The following CLEC16A variants were observed in gnomAD, a reference collection of about 807,000 sequenced individuals.
CLEC16A encodes C-type lectin domain containing 16A.
CLEC16A carries 51 observed loss-of-function variants against 109.5 expected under a neutral mutation model. The observed-to-expected ratio is 0.47, with a 90% CI of 0.37 to 0.59. CLEC16A has a LOEUF of 0.59. Among genes scored for constraint, CLEC16A ranks in the 20% least tolerant of loss-of-function variants. The probability of loss-of-function intolerance (pLI) is 0.00; values close to 1 mark genes in which losing one functional copy is unlikely to be tolerated. For synonymous variants in CLEC16A, 673 were observed against 564.2 expected, an observed-to-expected ratio of 1.19 and a Z score of -2.73; for missense variants, 1,339 against 1,394.0, an observed-to-expected ratio of 0.96 and a Z score of 0.63.
chr16:10,971,979 C>G (rs2042812368), intron 5 of CLEC16A, among the ~76,000 whole-genome samples: 1 of 152,218 alleles, frequency 6.6e-6, no homozygotes, highest in African/African-American at 2.4e-5. Flanking sequence ...GGGGGCTTCT[C>G]AGGGACTCAC....
intron 22 of CLEC16A, among the ~76,000 whole-genome samples, chr16:11,153,830 G>T (rs1272883698): frequency 1.3e-5 from 2 of 152,074 alleles, no homozygotes; most frequent in Non-Finnish European, 2.9e-5. Flanking sequence ...AATAGCTAGG[G>T]TGATTTTTAA....
chr16:11,140,591 C>T (rs745637439), intron 22 of CLEC16A, among the ~76,000 whole-genome samples: 12 of 152,128 alleles, frequency 7.9e-5, no homozygotes, highest in Non-Finnish European at 1.6e-4. Context: ...AGAATCTGGC[C>T]TGTCCTCCTG....
chr16:11,120,094 C>T (rs6498163), intron 19 of CLEC16A, among the ~76,000 whole-genome samples: 106,203 of 151,554 alleles, frequency 0.7, 38,572 homozygotes, highest in African/African-American at 0.89. Context: ...CTCAGCCTCC[C>T]AAGTAGCTGG....
intron 13 of CLEC16A, among the ~76,000 whole-genome samples, chr16:11,025,292 T>G (rs770061264): frequency 7.9e-5 from 12 of 152,218 alleles, no homozygotes; most frequent in Non-Finnish European, 1.5e-4. Flanking sequence ...AATCTTGGTT[T>G]TGCTATTTAT....
intron 13 of CLEC16A, among the ~76,000 whole-genome samples, chr16:11,036,883 C>T (rs2047055817): frequency 6.6e-6 from 1 of 152,164 alleles, no homozygotes; most frequent in African/African-American, 2.4e-5. Context: ...GATAAGGAAA[C>T]ACATGAAGTC....
intron 19 of CLEC16A, among the ~76,000 whole-genome samples, chr16:11,063,926 GAGGA>G (rs2152911492): frequency 6.6e-6 from 1 of 151,336 alleles, no homozygotes; most frequent in Admixed American, 6.6e-5. Flanking sequence ...GGAAGAGAGA[GAGGA>G]AGGGAGGGAG....
chr16:10,945,437 A>G (rs1187485169), intron 1 of CLEC16A, among the ~76,000 whole-genome samples: 1 of 152,188 alleles, frequency 6.6e-6, no homozygotes, highest in African/African-American at 2.4e-5. Flanking sequence ...GGATGATGAA[A>G]AATAGAGACC....
At chr16:11,112,496 A>C (rs1008414821) in intron 19 of CLEC16A, among the ~76,000 whole-genome samples, 1 of 38,804 alleles carries the variant, frequency 2.6e-5, no homozygotes, top group Non-Finnish European at 4.9e-5. Context: ...CTATCTCTAC[A>C]AAAAAAAAAA....
chr16:10,993,245 G>T (rs575643357), intron 10 of CLEC16A, among the ~76,000 whole-genome samples: 4 of 152,254 alleles, frequency 2.6e-5, no homozygotes, highest in African/African-American at 9.6e-5. Context: ...CGGGCGTGAT[G>T]ATGCGTACCT....
chr16:10,961,968 C>CTTTTTTTTTTTTTTTTTTT lies in CLEC16A; in HGVS notation c.210-473_210-472insTTTTTTTTTTTTTTTTTTT, dbSNP rs5815604. Among the ~76,000 whole-genome samples, 2 of 135,344 alleles carry CTTTTTTTTTTTTTTTTTTT rather than the reference C, an allele frequency of 1.5e-5. No homozygotes were observed. Among genetic ancestry groups the CTTTTTTTTTTTTTTTTTTT allele is most frequent in the African/African-American group, 2.8e-5 (1 of 36,202 alleles). The allele number at this position is 135,344 out of a possible 152,430, so 88.8% of individuals were successfully genotyped here. ...TTGGGAACTTTTTTTTCTTTTTTTTCTTTTTTTTTTTTTTGGCTCTGTCAC... is the reference window on the plus strand; with the variant it reads ...TTGGGAACTTTTTTTTCTTTTTTTTCTTTTTTTTTTTTTTTTTTTTTTTTTTTTTTTTTGGCTCTGTCAC... On this transcript the variant is annotated intron_variant, in intron 2 of 23. Transcript: ENST00000409790. The surrounding 1 kb of genome is among the most constrained non-coding windows in gnomAD (Gnocchi z 4.3).
At chr16:11,040,152 C>T (rs565920230) in intron 14 of CLEC16A, 10 of 406,056 alleles carry the variant, frequency 2.5e-5, no homozygotes, top group Non-Finnish European at 4.4e-5. Flanking sequence ...CTGAGATTGT[C>T]AATGTTTTCG....
At chr16:11,010,580 A>G (rs1268286529) in intron 11 of CLEC16A, among the ~76,000 whole-genome samples, 1 of 152,132 alleles carries the variant, frequency 6.6e-6, no homozygotes, top group Admixed American at 6.5e-5. Flanking sequence ...CACCCCACGC[A>G]CATTCATCGT....
intron 11 of CLEC16A, among the ~76,000 whole-genome samples, chr16:11,010,465 A>G (rs1164277697): frequency 6.6e-6 from 1 of 152,186 alleles, no homozygotes; most frequent in Non-Finnish European, 1.5e-5. Context: ...AAAGCCAAAA[A>G]TAGTATAAAG....
At chr16:11,177,734 C>T (rs1025981158) in intron 23 of CLEC16A, among the ~76,000 whole-genome samples, 2 of 152,068 alleles carry the variant, frequency 1.3e-5, no homozygotes, top group African/African-American at 4.8e-5. Flanking sequence ...ACAATAATGG[C>T]CTGAGGAACC....
chr16:11,129,334 ACT>A (rs1208537893), intron 22 of CLEC16A, among the ~76,000 whole-genome samples: 6 of 152,062 alleles, frequency 3.9e-5, no homozygotes, highest in African/African-American at 7.2e-5. Context: ...ATGAACAATA[ACT>A]CTGTTTTCCA....
chr16:11,112,410 A>G (rs1292100612), intron 19 of CLEC16A, among the ~76,000 whole-genome samples: 4 of 150,572 alleles, frequency 2.7e-5, no homozygotes, highest in Admixed American at 6.7e-5. Context: ...CTATAATCCC[A>G]GCACTTTGGG....
At chr16:10,977,464 G>A (rs2043084437) in intron 8 of CLEC16A, 65 bp downstream of exon 8, 1 of 1,399,156 alleles carries the variant, frequency 7.1e-7, no homozygotes, top group Non-Finnish European at 9.9e-7. Context: ...ACAGTCCCCA[G>A]TCCCCTGGAA....
intron 22 of CLEC16A, chr16:11,136,172 G>A (rs934159714): frequency 6.6e-6 from 1 of 152,262 alleles, no homozygotes; most frequent in East Asian, 1.9e-4. Context: ...CGGGAAAATT[G>A]TTAGGTGGCC....
At chr16:10,978,040 G>A (rs1232047230) in intron 8 of CLEC16A, among the ~76,000 whole-genome samples, 1 of 152,174 alleles carries the variant, frequency 6.6e-6, no homozygotes, top group African/African-American at 2.4e-5. Flanking sequence ...CCTGGTAGTT[G>A]CCAGAACCCA....
Sources: gnomAD v4.1 joint callset for allele counts (sites outside exome capture counted in the v4.1 genomes callset) on GRCh38, gnomAD v4.1.1 for gene constraint, Gnocchi (gnomAD v3.1) non-coding constraint, MANE v1.5 for transcripts, NCBI Gene and HGNC (gene_info 2026-07-23, HGNC 2026-07-21) for gene names.